Variants in SLC28A3 observed in about 807,000 individuals in gnomAD.
The protein encoded by SLC28A3 is concentrative Na(+)-nucleoside cotransporter 3.
In SLC28A3, 68 loss-of-function variants were observed where a neutral mutation model predicts 84.2. The ratio of observed to expected loss-of-function variants is 0.81; its 90% CI spans 0.66 to 0.99. The LOEUF is 0.99. Ranked by LOEUF, SLC28A3 falls within the 50% of genes least tolerant of loss-of-function variation. The pLI is 0.00. For synonymous variants in SLC28A3, 267 were observed against 303.6 expected (o/e 0.88, Z 1.25); for missense variants, 712 against 841.5 (o/e 0.85, Z 1.90).
At chr9:84,343,268 C>T (rs1827200029), upstream of SLC28A3, among the ~76,000 whole-genome samples, 1 of 152,136 alleles carries the variant, frequency 6.6e-6, no homozygotes, top group South Asian at 2.1e-4. Context: ...GTCCAACCCT[C>T]CGTTTCTCTG....
chr9:84,337,448 G>C, intron 1 of SLC28A3, among the ~76,000 whole-genome samples: 1 of 152,024 alleles, frequency 6.6e-6, no homozygotes, highest in African/African-American at 2.4e-5. Flanking sequence ...GTGTGCGCGC[G>C]CGTGTGTGTA....
At chr9:84,299,551 AAG>A in intron 6 of SLC28A3, 28 bp downstream of exon 6, 2 of 1,611,990 alleles carry the variant, frequency 1.2e-6, no homozygotes, top group South Asian at 2.2e-5. Flanking sequence ...AAAAAGAAAA[AAG>A]AACCTAAAAG....
At chr9:84,351,478 G>A in the SLC28A3 span, among the ~76,000 whole-genome samples, 2 of 151,996 alleles carry the variant, frequency 1.3e-5, no homozygotes, top group Non-Finnish European at 2.9e-5. Context: ...GGGCAACATG[G>A]TAAAACCCCA....
chr9:84,280,813 T>C lies in SLC28A3; in HGVS notation c.1717A>G (p.Ile573Val). ...TCTTTTCACTTACTGAGTCCGCCGA[T>C]CACGATTCCTAGGGACCCGATATTG... Reference protein sequence around the residue: ...FANIGSLGIVIGGLTSMAPSR... With the variant: ...FANIGSLGIVVGGLTSMAPSR... Residue 573 changes from isoleucine (I) to valine (V), a missense_variant, in exon 15 of 18, where the codon ATC (isoleucine) becomes GTC (valine). Physicochemically the swap from Ile to Val is conservative, Grantham distance 29. Coordinates refer to ENST00000376238, the MANE Select transcript of SLC28A3 (RefSeq NM_001199633.2). 6.2e-7 allele frequency: 1 copy of C among 1,614,078 alleles called. No individual in the cohort carries two copies. The highest frequency in any genetic ancestry group is 8.5e-7 in the Non-Finnish European group (1 of 1,179,992).
At chr9:84,311,251 A>G (rs1359979791) in intron 2 of SLC28A3, among the ~76,000 whole-genome samples, 1 of 152,124 alleles carries the variant, frequency 6.6e-6, no homozygotes, top group Non-Finnish European at 1.5e-5. Flanking sequence ...AAATATCTAA[A>G]TTTTTGTTTT....
intron 1 of SLC28A3, among the ~76,000 whole-genome samples, chr9:84,326,682 A>C (rs183856395): frequency 1.5e-5 from 2 of 129,260 alleles, no homozygotes; most frequent in Admixed American, 8.1e-5. Context: ...CAACAACAAC[A>C]ACCAGGTCTT....
At chr9:84,365,800 C>A in the SLC28A3 span, among the ~76,000 whole-genome samples, 1 of 152,156 alleles carries the variant, frequency 6.6e-6, no homozygotes, top group Non-Finnish European at 1.5e-5. Flanking sequence ...CCTGTAATCC[C>A]AGTACTATGG....
chr9:84,325,440 G>T (rs1033526635), intron 1 of SLC28A3, among the ~76,000 whole-genome samples: 1 of 152,186 alleles, frequency 6.6e-6, no homozygotes, highest in African/African-American at 2.4e-5. Flanking sequence ...CATTTGAAAT[G>T]TTCGGAAGAT....
At chr9:84,306,546 G>C (rs542920446) in intron 3 of SLC28A3, among the ~76,000 whole-genome samples, 95 of 152,132 alleles carry the variant, frequency 6.2e-4, no homozygotes, top group African/African-American at 2.1e-3. Flanking sequence ...AGGAAATATT[G>C]GTTATTTGGT....
chr9:84,301,608 C>A (rs1251904017), intron 5 of SLC28A3, among the ~76,000 whole-genome samples: 4 of 152,144 alleles, frequency 2.6e-5, no homozygotes, highest in African/African-American at 9.7e-5. Flanking sequence ...AGAATGGGTA[C>A]AACTTGTGTA....
Position 84,340,644 on chromosome 9 carries a change from C to T in SLC28A3, c.-11G>A. ...ACTCCTCAGCTCCATGCTCTTTTTG[C>T]TGCTGGCTGGCTCTGGTCTGGAGGT... On this transcript the variant is annotated 5_prime_UTR_variant, in exon 1 of 18. Transcript: ENST00000376238. 1 of 1,614,144 alleles carries T rather than the reference C, an allele frequency of 6.2e-7. No homozygotes were observed. Among genetic ancestry groups the T allele is most frequent in the Non-Finnish European group, 8.5e-7 (1 of 1,180,020 alleles).
the SLC28A3 span, among the ~76,000 whole-genome samples, chr9:84,356,356 G>C: frequency 6.6e-6 from 1 of 152,102 alleles, no homozygotes; most frequent in Non-Finnish European, 1.5e-5. Flanking sequence ...TCATGAACCT[G>C]AAAGAAAAGT....
upstream of SLC28A3, among the ~76,000 whole-genome samples, chr9:84,344,873 T>C (rs1243199495): frequency 1.3e-5 from 2 of 152,226 alleles, no homozygotes; most frequent in East Asian, 3.9e-4. Context: ...ATTTGATTGA[T>C]GTCCCATGCC....
At chr9:84,350,479 T>C in the SLC28A3 span, among the ~76,000 whole-genome samples, 2 of 151,342 alleles carry the variant, frequency 1.3e-5, no homozygotes, top group African/African-American at 4.9e-5. Flanking sequence ...GGTATAAAAA[T>C]AAAAAATGAA....
At chr9:84,359,122 T>C in the SLC28A3 span, among the ~76,000 whole-genome samples, 10 of 152,196 alleles carry the variant, frequency 6.6e-5, no homozygotes, top group Non-Finnish European at 1.3e-4. Flanking sequence ...CCCCGTCCTC[T>C]CCTTCTTGCT....
chr9:84,276,164 A>G lies in SLC28A3; in HGVS notation c.*2054T>C, dbSNP rs1270917071. The G allele has an allele frequency of 6.6e-6, 1 of 152,184 alleles. No homozygotes were observed. Among genetic ancestry groups the G allele is most frequent in the Non-Finnish European group, 1.5e-5 (1 of 68,032 alleles). The allele number at this position is 152,184 out of a possible 1,614,324, so 9.4% of individuals were successfully genotyped here. On this transcript the variant is annotated 3_prime_UTR_variant, in exon 18 of 18. Coordinates refer to ENST00000376238, the MANE Select transcript of SLC28A3 (RefSeq NM_001199633.2). ...ACATGGGTATGTAAATTTACTTTGC[A>G]AATTTAGATTTTATGAAATCTAAAC...
intron 3 of SLC28A3, 74 bp from the exon 4 acceptor site, chr9:84,305,419 A>G (rs2118343036): frequency 8.0e-7 from 1 of 1,256,632 alleles, no homozygotes; most frequent in Non-Finnish European, 1.1e-6. Context: ...GTGAGGCTAG[A>G]TTAAGCTTTG....
At chr9:84,318,732 G>A (rs1826257233) in intron 1 of SLC28A3, among the ~76,000 whole-genome samples, 1 of 152,072 alleles carries the variant, frequency 6.6e-6, no homozygotes, top group Admixed American at 6.6e-5. Context: ...AGCCGGGCGT[G>A]GTGGCCTGTG....
intron 1 of SLC28A3, among the ~76,000 whole-genome samples, chr9:84,321,042 T>TAA (rs1826359005): frequency 6.6e-6 from 1 of 152,028 alleles, no homozygotes; most frequent in Admixed American, 6.6e-5. Context: ...ATAGTTGTGC[T>TAA]AAAGACTACT....
Sources: gnomAD v4.1 joint callset for allele counts (sites outside exome capture counted in the v4.1 genomes callset) on GRCh38, gnomAD v4.1.1 for gene constraint, MANE v1.5 for transcripts, NCBI Gene and HGNC (gene_info 2026-07-23, HGNC 2026-07-21) for gene names.